Variants in GARNL3 observed in about 807,000 individuals in gnomAD.
The protein encoded by GARNL3 is GTPase-activating Rap/Ran-GAP domain-like protein 3.
Under a neutral mutation model 125.0 loss-of-function variants are expected in GARNL3, and 63 were observed. The observed-to-expected ratio is 0.50, with a 90% CI of 0.41 to 0.62. GARNL3 has a LOEUF of 0.62. GARNL3 is among the 20% of genes least tolerant of loss of function. The probability of loss-of-function intolerance (pLI) is 0.00; values close to 1 mark genes in which losing one functional copy is unlikely to be tolerated. For missense variants in GARNL3, 994 were observed against 1,244.0 expected (o/e 0.80, Z 3.02); for synonymous variants, 439 against 457.5 (o/e 0.96, Z 0.52).
chr9:127,373,543 T>C (rs1831719225), intron 22 of GARNL3, among the ~76,000 whole-genome samples: 1 of 151,998 alleles, frequency 6.6e-6, no homozygotes, highest in African/African-American at 2.4e-5. Context: ...GGCAGGAGGA[T>C]CTCTTGAGGC....
At chr9:127,240,033 T>G (rs1422820946) in intron 1 of GARNL3, among the ~76,000 whole-genome samples, 1 of 152,186 alleles carries the variant, frequency 6.6e-6, no homozygotes, top group African/African-American at 2.4e-5. Flanking sequence ...TCTGTAATAT[T>G]CCAAATTAAG....
chr9:127,297,757 ATTTT>A (rs1382275216), intron 2 of GARNL3, among the ~76,000 whole-genome samples: 1 of 152,242 alleles, frequency 6.6e-6, no homozygotes, highest in African/African-American at 2.4e-5. Context: ...TTTATTACAC[ATTTT>A]TTTATTTTTA....
At chr9:127,355,949 C>T (rs1356039967) in intron 20 of GARNL3, among the ~76,000 whole-genome samples, 4 of 152,080 alleles carry the variant, frequency 2.6e-5, no homozygotes, top group Non-Finnish European at 4.4e-5. Context: ...ATGAGGGTAT[C>T]TAGGGAAAGG....
At position 127,393,444 on chromosome 9, in the gene GARNL3, C is replaced by A; in HGVS notation, c.*190C>A. The A allele has an allele frequency of 2.2e-6, 1 of 446,576 alleles. No individual in the cohort carries two copies. Among genetic ancestry groups the A allele is most frequent in the Non-Finnish European group, 4.0e-6 (1 of 248,344 alleles). 27.7% of individuals were successfully genotyped at this position (446,576 alleles called of 1,614,324 possible). A position where few individuals can be genotyped will look rare whatever the true frequency, so the allele number is the denominator to read the frequency against. On this transcript the variant is annotated 3_prime_UTR_variant, in exon 28 of 28. Coordinates refer to ENST00000373387, the MANE Select transcript of GARNL3 (RefSeq NM_032293.5). ...CATCTTTCCTGACCTTTGTTTCTTT[C>A]TGTTCAGGAACCATCAGTCCCCTTG... is the stretch of plus-strand genomic sequence containing the variant.
At chr9:127,270,720 T>C (rs1313573685) in intron 1 of GARNL3, among the ~76,000 whole-genome samples, 2 of 152,260 alleles carry the variant, frequency 1.3e-5, no homozygotes, top group African/African-American at 4.8e-5. Context: ...CTATATTCAT[T>C]TCATTTACCA....
At chr9:127,233,191 C>T (rs2063050322) in intron 1 of GARNL3, among the ~76,000 whole-genome samples, 1 of 152,224 alleles carries the variant, frequency 6.6e-6, no homozygotes, top group Non-Finnish European at 1.5e-5. Context: ...CACTGCACTC[C>T]AGCCTGGGTG....
At chr9:127,289,869 CA>C (rs2064363782) in intron 1 of GARNL3, among the ~76,000 whole-genome samples, 1 of 152,114 alleles carries the variant, frequency 6.6e-6, no homozygotes, top group Non-Finnish European at 1.5e-5. Flanking sequence ...ATCAAAAAAA[CA>C]TTTGCTTTTA....
chr9:127,365,103 T>G, intron 21 of GARNL3, 197 bp from the exon 22 acceptor site: 1 of 515,368 alleles, frequency 1.9e-6, no homozygotes, highest in Non-Finnish European at 3.5e-6. Context: ...TTTTTTTTCT[T>G]TTCTTTTCTT....
intron 6 of GARNL3, among the ~76,000 whole-genome samples, chr9:127,323,216 C>A (rs2065456203): frequency 6.6e-6 from 1 of 152,148 alleles, no homozygotes; most frequent in African/African-American, 2.4e-5. Flanking sequence ...TAAAATTACA[C>A]ACTAGAAAGC....
chr9:127,289,868 AC>A (rs1391481607), intron 1 of GARNL3, among the ~76,000 whole-genome samples: 48 of 152,354 alleles, frequency 3.2e-4, no homozygotes, highest in Admixed American at 2.9e-3. Flanking sequence ...CATCAAAAAA[AC>A]ATTTGCTTTT....
chr9:127,385,699 C>T lies in GARNL3; in HGVS notation c.2388+554C>T, dbSNP rs559686444. ...AGTCCCCTCCCCTGAGTCAGGCCCA[C>T]AAAGTCCTCCCCAGCCCTGCCAGAC... On this transcript the variant is annotated intron_variant, in intron 24 of 27. Transcript: ENST00000373387. The surrounding 1 kb of genome is among the most constrained non-coding windows in gnomAD (Gnocchi z 4.1). Among the ~76,000 whole-genome samples the T allele has an allele frequency of 6.6e-6, 1 of 152,214 alleles. No individual in the cohort carries two copies. The highest frequency in any genetic ancestry group is 2.4e-5 in the African/African-American group (1 of 41,454).
At chr9:127,312,116 T>G (rs535827144) in intron 3 of GARNL3, among the ~76,000 whole-genome samples, 1 of 152,198 alleles carries the variant, frequency 6.6e-6, no homozygotes, top group Non-Finnish European at 1.5e-5. Flanking sequence ...AGGGAAATAA[T>G]TGGTTCCCTG....
intron 10 of GARNL3, 75 bp from the exon 11 acceptor site, chr9:127,336,053 G>C: frequency 9.3e-7 from 1 of 1,080,202 alleles, no homozygotes; most frequent in South Asian, 1.4e-5. Flanking sequence ...GTTATATTGG[G>C]TTATGTTTTT....
intron 2 of GARNL3, among the ~76,000 whole-genome samples, chr9:127,297,416 G>T (rs1332811804): frequency 6.6e-6 from 1 of 152,204 alleles, no homozygotes; most frequent in African/African-American, 2.4e-5. Flanking sequence ...TGGGATTTCA[G>T]CTGTGAGCCA....
At chr9:127,224,911 GGGGCGTGGGC>G (rs2062871378) in intron 1 of GARNL3, among the ~76,000 whole-genome samples, 1 of 67,978 alleles carries the variant, frequency 1.5e-5, no homozygotes, top group South Asian at 6.8e-4. Context: ...AGCGCGGGGC[GGGGCGTGGGC>G]GGGGCGTGGG....
Position 127,242,565 on chromosome 9 carries a change from A to G in GARNL3, c.-28-514A>G, listed in dbSNP as rs527895666. 6.6e-6 allele frequency among the ~76,000 whole-genome samples: 1 copy of G among 152,296 alleles called. No individual in the cohort carries two copies. Among genetic ancestry groups the G allele is most frequent in the East Asian group, 1.9e-4 (1 of 5,178 alleles). ...CAAGCATTTACTGCTTATATATACT[A>G]TCTGCTATTACTCTTGAACTGTGGG... On this transcript the variant is annotated intron_variant, in intron 1 of 10. Transcript: ENST00000439286. The surrounding 1 kb of genome is among the most constrained non-coding windows in gnomAD (Gnocchi z 4.6).
chr9:127,319,055 C>T (rs996853332), intron 5 of GARNL3, among the ~76,000 whole-genome samples: 11 of 152,178 alleles, frequency 7.2e-5, no homozygotes, highest in Admixed American at 7.2e-4. Flanking sequence ...CCTCTCTATT[C>T]GTCTGCAGCT....
chr9:127,268,657 C>A (rs113880858), intron 1 of GARNL3, among the ~76,000 whole-genome samples: 4 of 152,194 alleles, frequency 2.6e-5, no homozygotes, highest in African/African-American at 9.6e-5. Context: ...ACCATCACTG[C>A]TATACACTTT....
chr9:127,278,627 C>A (rs1486162299), intron 1 of GARNL3, among the ~76,000 whole-genome samples: 1 of 152,218 alleles, frequency 6.6e-6, no homozygotes, highest in African/African-American at 2.4e-5. Flanking sequence ...AAATGTTGAT[C>A]TGTTATCGTG....
Sources: allele counts gnomAD v4.1 joint callset (sites outside exome capture counted in the v4.1 genomes callset), GRCh38; gene constraint gnomAD v4.1.1; non-coding constraint Gnocchi (gnomAD v3.1); transcripts MANE v1.5; gene names NCBI Gene and HGNC (gene_info 2026-07-23, HGNC 2026-07-21).